The following COL18A1 variants were observed in gnomAD, a reference collection of about 807,000 sequenced individuals.
COL18A1 encodes collagen alpha-1(XVIII) chain.
A neutral mutation model predicts 168.0 loss-of-function variants in COL18A1; 133 were observed. The ratio of observed to expected loss-of-function variants is 0.79; its 90% CI spans 0.69 to 0.91. The LOEUF (loss-of-function observed/expected upper bound fraction) is 0.91, where lower values mean the gene tolerates loss of function less well. COL18A1 is among the 40% of genes least tolerant of loss of function. COL18A1 has a pLI of 0.00. For missense variants in COL18A1, 2,126 were observed against 1,925.4 expected (o/e 1.10, Z -1.95); for synonymous variants, 949 against 809.0 (o/e 1.17, Z -2.94).
At chr21:45,506,600 G>A (rs1378155606) in intron 37 of COL18A1, 2 of 178,992 alleles carry the variant, frequency 1.1e-5, no homozygotes, top group African/African-American at 4.7e-5. Context: ...TTACCTTCGT[G>A]TGGCAAAGGT....
At chr21:45,454,266 T>A (rs889816050) in intron 2 of COL18A1, among the ~76,000 whole-genome samples, 1 of 152,004 alleles carries the variant, frequency 6.6e-6, no homozygotes, top group Non-Finnish European at 1.5e-5. Flanking sequence ...TGGACAGCAA[T>A]CGACCGATGG....
chr21:45,473,848 C>T lies in COL18A1; in HGVS notation c.652-47C>T. ...AGCTCAAGCAGCACCGGGGTTGCCA[C>T]TGCCACCTCAGGACCGCTGGTGACC... On this transcript the variant is annotated intron_variant, in intron 3 of 41. Transcript: ENST00000651438. The surrounding 1 kb of genome is among the most constrained non-coding windows in gnomAD (Gnocchi z 4.0). The T allele has an allele frequency of 6.0e-6, 9 of 1,502,380 alleles. No individual in the cohort carries two copies. Among genetic ancestry groups the T allele is most frequent in the Non-Finnish European group, 7.3e-6 (8 of 1,101,380 alleles). 93.1% of individuals were successfully genotyped at this position (1,502,380 alleles called of 1,614,324 possible).
Position 45,513,378 on chromosome 21 carries a change from G to A in COL18A1, c.*980G>A, listed in dbSNP as rs1007292248. On this transcript the variant is annotated 3_prime_UTR_variant, in exon 42 of 42. Coordinates refer to ENST00000651438, the MANE Select transcript of COL18A1 (RefSeq NM_001379500.1). ...CATGGACAGGCTGGCTCCAGATGCA[G>A]GGCAGTCATTGGCTGTCTCCTAGGA... 1.6e-4 allele frequency: 25 copies of A among 152,278 alleles called. No individual in the cohort carries two copies. The highest frequency in any genetic ancestry group is 1.6e-3 in the Admixed American group (25 of 15,288). 9.4% of individuals were successfully genotyped at this position (152,278 alleles called of 1,614,324 possible).
intron 2 of COL18A1, among the ~76,000 whole-genome samples, chr21:45,432,350 T>TC (rs1353430042): frequency 6.6e-6 from 1 of 152,166 alleles, no homozygotes; most frequent in Admixed American, 6.5e-5. Flanking sequence ...ACCCCCCACT[T>TC]CATGTTGTGG....
At chr21:45,505,538 C>T (rs1007780223) in intron 36 of COL18A1, 107 bp downstream of exon 36, 4 of 725,022 alleles carry the variant, frequency 5.5e-6, no homozygotes, top group South Asian at 1.5e-5. Flanking sequence ...GGGAGATATA[C>T]AGGAGGCCAA....
intron 11 of COL18A1, 120 bp from the exon 12 acceptor site, chr21:45,480,347 C>A (rs910653537): frequency 6.4e-7 from 1 of 1,569,602 alleles, no homozygotes; most frequent in Non-Finnish European, 8.7e-7. Context: ...GCAGAGGGGC[C>A]GTGGTTTCTC....
chr21:45,455,778 C>G lies in COL18A1; in HGVS notation c.107-12464C>G, dbSNP rs948575157. ...ACAGCCCCTGGCAGCCCTGAGCCAC[C>G]CTCAGAGCTGCTGGAAGATGGCCAG... is the stretch of plus-strand genomic sequence containing the variant. On this transcript the variant is annotated intron_variant, in intron 2 of 41. Coordinates refer to ENST00000651438, the MANE Select transcript of COL18A1 (RefSeq NM_001379500.1). The G allele has an allele frequency of 6.2e-6, 10 of 1,613,586 alleles. No homozygotes were observed. The South Asian group carries it at 1.1e-4, about 18-fold the overall frequency.
At chr21:45,487,588 C>A in intron 17 of COL18A1, 79 bp downstream of exon 17, 2 of 1,575,568 alleles carry the variant, frequency 1.3e-6, no homozygotes, top group East Asian at 4.5e-5. Flanking sequence ...CCCTGAGAGC[C>A]ACCGGCCTTG....
Position 45,493,582 on chromosome 21 carries a change from G to C in COL18A1, c.2352+7G>C, listed in dbSNP as rs370225383. On this transcript the variant is annotated splice_region_variant and intron_variant, in intron 26 of 41. Transcript: ENST00000651438. Reference sequence around the variant, plus strand: ...TGCCCAGAAAGGAGCCAAGGTGAGGGCCGGGCAGCCTCCTTCCGGCAGGCG... The same window carrying C: ...TGCCCAGAAAGGAGCCAAGGTGAGGCCCGGGCAGCCTCCTTCCGGCAGGCG... The C allele has an allele frequency of 6.0e-4, 924 of 1,549,466 alleles. 7 individuals are homozygous for C. The African/African-American group carries it at 0.011, about 19-fold the overall frequency.
intron 2 of COL18A1, among the ~76,000 whole-genome samples, chr21:45,432,283 C>T (rs544690057): frequency 2.4e-4 from 37 of 152,238 alleles, no homozygotes; most frequent in Non-Finnish European, 3.2e-4. Flanking sequence ...GCGGAGGCCA[C>T]ATTCCAGGGT....
At chr21:45,452,813 TGCATGTGA>T (rs1214828556) in intron 2 of COL18A1, among the ~76,000 whole-genome samples, 5 of 152,006 alleles carry the variant, frequency 3.3e-5, no homozygotes, top group East Asian at 1.9e-4. Context: ...TGATTGTGTA[TGCATGTGA>T]GCATGTATGA....
intron 38 of COL18A1, among the ~76,000 whole-genome samples, chr21:45,508,676 G>A (rs969759049): frequency 7.2e-5 from 11 of 152,192 alleles, no homozygotes; most frequent in East Asian, 3.8e-4. Context: ...ACAGCGGCCT[G>A]TCTCCTCACA....
chr21:45,450,254 G>A (rs2034591625), intron 2 of COL18A1, among the ~76,000 whole-genome samples: 1 of 152,162 alleles, frequency 6.6e-6, no homozygotes, highest in Non-Finnish European at 1.5e-5. Flanking sequence ...AGCATCTGGG[G>A]GCAAGGACAA....
chr21:45,421,442 G>T, intron 2 of COL18A1: 1 of 534,572 alleles, frequency 1.9e-6, no homozygotes, highest in Non-Finnish European at 3.8e-6. Context: ...GGGCTGTGTT[G>T]CAGTGACAGC....
chr21:45,491,756 G>T (rs557557961), intron 22 of COL18A1, among the ~76,000 whole-genome samples: 1 of 152,158 alleles, frequency 6.6e-6, no homozygotes, highest in African/African-American at 2.4e-5. Context: ...CACCCTCTGC[G>T]CCTGCCAGCA....
intron 1 of COL18A1, 46 bp downstream of exon 1, chr21:45,405,287 G>GCTGCGGGGGTCGCGGGGCTGCGGGGGTC: frequency 2.3e-6 from 1 of 427,748 alleles, no homozygotes; most frequent in Non-Finnish European, 3.5e-6. Context: ...CCAAGATGCG[G>GCTGCGGGGGTCGCGGGGCTGCGGGGGTC]CTGCGGGGGT....
At chr21:45,491,338 AC>A in intron 22 of COL18A1, 24 bp downstream of exon 22, 1 of 1,555,764 alleles carries the variant, frequency 6.4e-7, no homozygotes, top group African/African-American at 1.4e-5. Context: ...GTGGGTGGGC[AC>A]CCAATCTGTC....
At chr21:45,421,126 C>G (rs1383527798) in intron 2 of COL18A1, 1 of 292,844 alleles carries the variant, frequency 3.4e-6, no homozygotes, top group African/African-American at 2.2e-5. Flanking sequence ...TGGTGCCTGC[C>G]TGTCCTGCCC....
intron 2 of COL18A1, among the ~76,000 whole-genome samples, chr21:45,451,074 G>A (rs1047598219): frequency 6.6e-6 from 1 of 152,226 alleles, no homozygotes; most frequent in African/African-American, 2.4e-5. Flanking sequence ...AGGTCCTCTG[G>A]GGGGTGTGAG....
Sources: gnomAD v4.1 joint callset for allele counts (sites outside exome capture counted in the v4.1 genomes callset) on GRCh38, gnomAD v4.1.1 for gene constraint, Gnocchi (gnomAD v3.1) non-coding constraint, MANE v1.5 for transcripts, NCBI Gene and HGNC (gene_info 2026-07-23, HGNC 2026-07-21) for gene names.